Variants in FBXO10 observed in about 807,000 individuals in gnomAD.
The protein encoded by FBXO10 is F-box only protein 10.
A neutral mutation model predicts 80.7 loss-of-function variants in FBXO10; 39 were observed. The ratio of observed to expected loss-of-function variants is 0.48; its 90% CI spans 0.37 to 0.63. The LOEUF (loss-of-function observed/expected upper bound fraction) is 0.63, where lower values mean the gene tolerates loss of function less well. Ranked by LOEUF, FBXO10 falls within the 30% of genes least tolerant of loss-of-function variation. The pLI, the probability that FBXO10 is intolerant of heterozygous loss-of-function variation, is 0.00. For missense variants in FBXO10, 1,025 were observed against 1,269.0 expected (o/e 0.81, Z 2.92); for synonymous variants, 449 against 489.6 (o/e 0.92, Z 1.09).
At chr9:37,528,266 G>A (rs935929482) in intron 5 of FBXO10, among the ~76,000 whole-genome samples, 1 of 152,172 alleles carries the variant, frequency 6.6e-6, no homozygotes, top group African/African-American at 2.4e-5. Flanking sequence ...TCTGCTGTGT[G>A]GCACAGATGG....
rs760243038 is a variant in FBXO10, at chr9:37,537,407, T to C, written c.1122A>G (p.Leu374=). The change falls in exon 3 of 11, where the codon CTA becomes CTG. Residue 374 remains leucine, a synonymous_variant. Transcript: ENST00000432825. Reference sequence around the variant, plus strand: ...GGCGTGGGCCCTGCACTTGGTAGGATAGTCTGTACATCAGCTGGTCCTCAT... The same window carrying C: ...GGCGTGGGCCCTGCACTTGGTAGGACAGTCTGTACATCAGCTGGTCCTCAT... The part of the protein sequence containing the change: ...DEDEDQLMYR[L]SYQVQGPRPV... 6.3e-7 allele frequency: 1 copy of C among 1,598,794 alleles called. No individual in the cohort carries two copies. The highest frequency in any genetic ancestry group is 8.5e-7 in the Non-Finnish European group (1 of 1,172,302).
intron 1 of FBXO10, among the ~76,000 whole-genome samples, chr9:37,569,395 CA>C (rs35292200): frequency 0.18 from 22,750 of 123,002 alleles, 1,959 homozygotes; most frequent in African/African-American, 0.34. Context: ...AGATATAAAG[CA>C]AAAAAAAAAA....
chr9:37,565,969 G>A (rs1183521969), intron 1 of FBXO10, among the ~76,000 whole-genome samples: 31 of 152,220 alleles, frequency 2.0e-4, no homozygotes, highest in Non-Finnish European at 4.4e-5. Context: ...AGCTCCAGGA[G>A]TCTGAAGGGA....
rs777079922 is a variant in FBXO10, at chr9:37,541,433, A to G, written c.336T>C (p.Val112=). The change falls in exon 2 of 11, where the codon GTT becomes GTC. Residue 112 remains valine (V), a synonymous_variant. Transcript: ENST00000432825. The part of the protein sequence containing the change: ...RRRRERRTLS[V]GPGREFDSLG... ...GGCTGTCAAACTCACGGCCTGGCCC[A>G]ACACTCAGGGTACGTCGTTCCCTCC... The G allele has an allele frequency of 2.5e-6, 4 of 1,613,884 alleles. No individual in the cohort carries two copies. In the East Asian group the frequency reaches 6.7e-5, roughly 27 times the overall value.
In FBXO10 at chr9:37,512,701, A is replaced by G; in HGVS notation, c.2717T>C (p.Val906Ala). Residue 906 changes from valine (V) to alanine (A), a missense_variant, in exon 11 of 11, where the codon GTG becomes GCG. Val to Ala is a moderately conservative substitution (Grantham distance 64). Coordinates refer to ENST00000432825, the MANE Select transcript of FBXO10 (RefSeq NM_012166.3). ...FKKKSDTWRL[V>A]NPPARPHLEN... ...AAGGTGGGGCCGTGCTGGTGGGTTC[A>G]CCAGGCGCCACGTATCAGACCTGGA... 6.2e-7 allele frequency: 1 copy of G among 1,613,864 alleles called. No homozygotes were observed. Among genetic ancestry groups the G allele is most frequent in the Non-Finnish European group, 8.5e-7 (1 of 1,179,810 alleles).
At chr9:37,518,940 C>T (rs1041904558) in intron 8 of FBXO10, among the ~76,000 whole-genome samples, 2 of 146,616 alleles carry the variant, frequency 1.4e-5, no homozygotes, top group South Asian at 2.1e-4. Flanking sequence ...GACGGAGTCT[C>T]GCTCTGTCGC....
intron 1 of FBXO10, among the ~76,000 whole-genome samples, chr9:37,550,169 GTT>G (rs74171511): frequency 1.5e-5 from 1 of 68,032 alleles, no homozygotes; most frequent in Non-Finnish European, 2.9e-5. Flanking sequence ...GTCGTCTCAG[GTT>G]TTTTTTTTTT....
chr9:37,521,265 A>G (rs1217088393), intron 8 of FBXO10, among the ~76,000 whole-genome samples: 1 of 151,752 alleles, frequency 6.6e-6, no homozygotes. Context: ...CGGCCGCCCC[A>G]CCGTCTGGGA....
chr9:37,513,291 G>A (rs1821108999), intron 10 of FBXO10, among the ~76,000 whole-genome samples: 1 of 152,190 alleles, frequency 6.6e-6, no homozygotes, highest in African/African-American at 2.4e-5. Flanking sequence ...GTGCCACGGT[G>A]CCAGCTTTTC....
intron 8 of FBXO10, among the ~76,000 whole-genome samples, chr9:37,521,269 T>C: frequency 6.6e-6 from 1 of 150,584 alleles, no homozygotes; most frequent in Non-Finnish European, 1.5e-5. Flanking sequence ...CGCCCCACCG[T>C]CTGGGAAGTG....
At chr9:37,550,608 T>G (rs2119153760) in intron 1 of FBXO10, among the ~76,000 whole-genome samples, 1 of 151,960 alleles carries the variant, frequency 6.6e-6, no homozygotes. Flanking sequence ...GCCTCCCAAG[T>G]TGCTGGGACT....
rs1177020501 is a variant in FBXO10 at position 37,512,211 on chromosome 9, C to G, written c.*336G>C. Reference sequence around the variant, plus strand: ...AAATCTGCTCTTTCCTGAGAAGAGTCTGGGTTTGGTGTGTGTAAAACACAG... The same window carrying G: ...AAATCTGCTCTTTCCTGAGAAGAGTGTGGGTTTGGTGTGTGTAAAACACAG... On this transcript the variant is annotated 3_prime_UTR_variant, in exon 11 of 11. Coordinates refer to ENST00000432825, the MANE Select transcript of FBXO10 (RefSeq NM_012166.3). 5.3e-6 allele frequency: 1 copy of G among 189,756 alleles called. No homozygotes were observed. The highest frequency in any genetic ancestry group is 1.1e-5 in the Non-Finnish European group (1 of 93,046). The allele number at this position is 189,756 out of a possible 1,614,324, so 11.8% of individuals were successfully genotyped here.
At chr9:37,569,864 C>A (rs1194941218) in intron 1 of FBXO10, among the ~76,000 whole-genome samples, 1 of 152,136 alleles carries the variant, frequency 6.6e-6, no homozygotes, top group African/African-American at 2.4e-5. Context: ...AAAAACAGAA[C>A]AAGCTCACTG....
chr9:37,548,034 A>C (rs1050724669), intron 1 of FBXO10, among the ~76,000 whole-genome samples: 1 of 152,186 alleles, frequency 6.6e-6, no homozygotes, highest in South Asian at 2.1e-4. Context: ...TTTAGGGTGA[A>C]GGAAATGTTT....
At chr9:37,571,343 C>T (rs1822751366) in intron 1 of FBXO10, among the ~76,000 whole-genome samples, 1 of 152,180 alleles carries the variant, frequency 6.6e-6, no homozygotes, top group Admixed American at 6.5e-5. Flanking sequence ...GGATTTGTGA[C>T]TAACCAGAAT....
intron 1 of FBXO10, among the ~76,000 whole-genome samples, chr9:37,573,277 C>T (rs1358939199): frequency 6.6e-6 from 1 of 152,118 alleles, no homozygotes; most frequent in Non-Finnish European, 1.5e-5. Flanking sequence ...GCAGGAAGGG[C>T]CCCAAATGCC....
intron 8 of FBXO10, among the ~76,000 whole-genome samples, chr9:37,518,812 C>T (rs1284470874): frequency 6.6e-6 from 1 of 152,086 alleles, no homozygotes; most frequent in Non-Finnish European, 1.5e-5. Flanking sequence ...AGGCTGCTCA[C>T]TCCCCCTCTG....
In FBXO10 at chr9:37,523,080, G is replaced by A. The variant is rs539816175; in HGVS notation, c.1778-103C>T. Reference sequence around the variant, plus strand: ...GATCAAGGCTACTCCAGACCAGAAGGCCCTGGCCTTACCCTGCCAGCAATT... The same window carrying A: ...GATCAAGGCTACTCCAGACCAGAAGACCCTGGCCTTACCCTGCCAGCAATT... On this transcript the variant is annotated intron_variant, in intron 6 of 10. Coordinates refer to ENST00000432825, the MANE Select transcript of FBXO10 (RefSeq NM_012166.3). 7.9e-5 allele frequency: 107 copies of A among 1,347,840 alleles called. No individual in the cohort carries two copies. In the African/African-American group the frequency reaches 1.5e-3, roughly 19 times the overall value. 83.5% of individuals were successfully genotyped at this position (1,347,840 alleles called of 1,614,324 possible). A position where few individuals can be genotyped will look rare whatever the true frequency, so the allele number is the denominator to read the frequency against.
chr9:37,539,872 C>A (rs1249629294), intron 2 of FBXO10, among the ~76,000 whole-genome samples: 1 of 152,182 alleles, frequency 6.6e-6, no homozygotes, highest in Non-Finnish European at 1.5e-5. Flanking sequence ...ACATCTACTT[C>A]ACCTACACAA....
Sources: gnomAD v4.1 joint callset for allele counts (sites outside exome capture counted in the v4.1 genomes callset) on GRCh38, gnomAD v4.1.1 for gene constraint, MANE v1.5 for transcripts, NCBI Gene and HGNC (gene_info 2026-07-23, HGNC 2026-07-21) for gene names.